CDK19: variants seen among roughly 807,000 people sequenced by gnomAD.
CDK19 encodes the protein cyclin-dependent kinase 19.
A neutral mutation model predicts 68.3 loss-of-function variants in CDK19; 20 were observed. The ratio of observed to expected loss-of-function variants is 0.29; its 90% CI spans 0.21 to 0.43. The LOEUF is 0.43. Ranked by LOEUF, CDK19 falls within the 20% of genes least tolerant of loss-of-function variation. The pLI is 1.00. For synonymous variants in CDK19, 221 were observed against 222.8 expected (o/e 0.99, Z 0.07); for missense variants, 339 against 623.5 (o/e 0.54, Z 4.86).
At chr6:110,814,570 C>A (rs1466572795) in intron 1 of CDK19, 6 of 457,218 alleles carry the variant, frequency 1.3e-5, no homozygotes, top group South Asian at 7.7e-5. Context: ...GGTTTCAAAC[C>A]GCCGCCCCCG....
intron 3 of CDK19, among the ~76,000 whole-genome samples, chr6:110,669,798 T>C (rs974609649): frequency 3.9e-5 from 6 of 152,314 alleles, no homozygotes; most frequent in East Asian, 1.9e-4. Flanking sequence ...CATACGTTGA[T>C]AAAAACATCC....
intron 2 of CDK19, among the ~76,000 whole-genome samples, chr6:110,724,914 T>C (rs1245776617): frequency 6.6e-6 from 1 of 152,110 alleles, no homozygotes; most frequent in Non-Finnish European, 1.5e-5. Context: ...TATACAGATA[T>C]GGGAAGGGTA....
chr6:110,691,485 G>A (rs983887958), intron 2 of CDK19, among the ~76,000 whole-genome samples: 5 of 150,672 alleles, frequency 3.3e-5, no homozygotes, highest in African/African-American at 1.2e-4. Context: ...AAAAAAAAAA[G>A]AAAGAAAACC....
At chr6:110,806,443 T>G (rs1292517859) in intron 1 of CDK19, among the ~76,000 whole-genome samples, 1 of 152,282 alleles carries the variant, frequency 6.6e-6, no homozygotes, top group African/African-American at 2.4e-5. Context: ...TACATCACCA[T>G]ATTAGTAAAC....
intron 2 of CDK19, among the ~76,000 whole-genome samples, chr6:110,745,143 T>C (rs1008614008): frequency 2.6e-5 from 4 of 152,182 alleles, no homozygotes; most frequent in African/African-American, 9.7e-5. Context: ...GGTAATATAA[T>C]AGTAAGCCTT....
At chr6:110,813,782 C>G (rs1435500486) in intron 1 of CDK19, 1 of 152,202 alleles carries the variant, frequency 6.6e-6, no homozygotes, top group East Asian at 1.9e-4. Context: ...CATATACCAA[C>G]CACATCAAAT....
rs745663007 is a variant in CDK19 at position 110,612,517 on chromosome 6, C to A, written c.*2018G>T. The A allele has an allele frequency of 2.0e-5, 3 of 152,380 alleles. No homozygotes were observed. The highest frequency in any genetic ancestry group is 4.4e-5 in the Non-Finnish European group (3 of 68,034). 9.4% of individuals were successfully genotyped at this position (152,380 alleles called of 1,614,324 possible). On this transcript the variant is annotated 3_prime_UTR_variant, in exon 13 of 13. Coordinates refer to ENST00000368911, the MANE Select transcript of CDK19 (RefSeq NM_015076.5). ...CAGACATCCCAGGAGGGCTTACTGT[C>A]ACAGATCACAAGCTCCTTAAGGACA...
At chr6:110,748,891 A>G (rs1048020200) in intron 1 of CDK19, among the ~76,000 whole-genome samples, 1 of 152,268 alleles carries the variant, frequency 6.6e-6, no homozygotes, top group Admixed American at 6.5e-5. Context: ...TTTATTTTAC[A>G]TGACAAAGCT....
At chr6:110,765,998 G>A (rs118163663) in intron 1 of CDK19, among the ~76,000 whole-genome samples, 4,198 of 152,174 alleles carry the variant, frequency 0.028, 83 homozygotes, top group South Asian at 0.083. Context: ...TACTGTTGGT[G>A]AGAATGTAAA....
At chr6:110,677,271 G>A (rs1180323933) in intron 2 of CDK19, among the ~76,000 whole-genome samples, 1 of 152,138 alleles carries the variant, frequency 6.6e-6, no homozygotes, top group Non-Finnish European at 1.5e-5. Context: ...CCATGCAGAA[G>A]TGTCACCATT....
At chr6:110,647,520 C>A (rs551408252) in intron 4 of CDK19, among the ~76,000 whole-genome samples, 1 of 152,030 alleles carries the variant, frequency 6.6e-6, no homozygotes, top group South Asian at 2.1e-4. Flanking sequence ...ACAGAAAAAT[C>A]TAAAAATCCC....
chr6:110,814,967 C>A, intron 1 of CDK19, 42 bp downstream of exon 1: 2 of 1,596,424 alleles, frequency 1.3e-6, no homozygotes, highest in Non-Finnish European at 1.7e-6. Context: ...GCGGGCAGGG[C>A]GAGGACCCGA....
At chr6:110,684,571 A>G (rs1323657308) in intron 2 of CDK19, among the ~76,000 whole-genome samples, 1 of 152,086 alleles carries the variant, frequency 6.6e-6, no homozygotes, top group Non-Finnish European at 1.5e-5. Flanking sequence ...GTCCTTCTCC[A>G]TTCCACAGTT....
chr6:110,815,322 C>G lies in CDK19; in HGVS notation c.-186G>C. On this transcript the variant is annotated 5_prime_UTR_variant, in exon 1 of 13. Transcript: ENST00000368911. The stretch of plus-strand genomic sequence containing the variant: ...GGGACTCCTCGGCGGCCACAGCAGC[C>G]ACCTCCTCCACCTCTTCCTCCTCCT... 1 of 497,602 alleles carries G rather than the reference C, an allele frequency of 2.0e-6. No homozygotes were observed. The highest frequency in any genetic ancestry group is 3.2e-6 in the Non-Finnish European group (1 of 310,044). The allele number at this position is 497,602 out of a possible 1,614,324, so 30.8% of individuals were successfully genotyped here. A position where few individuals can be genotyped will look rare whatever the true frequency, so the allele number is the denominator to read the frequency against.
intron 1 of CDK19, among the ~76,000 whole-genome samples, chr6:110,810,916 C>T (rs954381336): frequency 6.6e-6 from 1 of 151,932 alleles, no homozygotes; most frequent in African/African-American, 2.4e-5. Flanking sequence ...GCACTTTTGG[C>T]ATGCAAAAAG....
intron 4 of CDK19, among the ~76,000 whole-genome samples, chr6:110,653,733 G>T (rs1781126071): frequency 6.6e-6 from 1 of 152,128 alleles, no homozygotes; most frequent in Non-Finnish European, 1.5e-5. Flanking sequence ...TTACTCAGAA[G>T]CTACTCCTGA....
chr6:110,677,145 T>C (rs1176180542), intron 2 of CDK19, among the ~76,000 whole-genome samples: 1 of 152,196 alleles, frequency 6.6e-6, no homozygotes, highest in East Asian at 1.9e-4. Context: ...CACCTTTCAC[T>C]CTGCAGCCAG....
chr6:110,760,630 G>A (rs1779168844), intron 1 of CDK19, among the ~76,000 whole-genome samples: 1 of 152,140 alleles, frequency 6.6e-6, no homozygotes, highest in Non-Finnish European at 1.5e-5. Flanking sequence ...TCAGGAGGCT[G>A]AGGTGGGAGA....
chr6:110,618,571 G>C (rs1161670145), intron 12 of CDK19, among the ~76,000 whole-genome samples: 1 of 152,176 alleles, frequency 6.6e-6, no homozygotes, highest in East Asian at 1.9e-4. Context: ...CTGGACACAG[G>C]GTGGGGTTGA....
Sources: gnomAD v4.1 joint callset for allele counts (sites outside exome capture counted in the v4.1 genomes callset) on GRCh38, gnomAD v4.1.1 for gene constraint, MANE v1.5 for transcripts, NCBI Gene and HGNC (gene_info 2026-07-23, HGNC 2026-07-21) for gene names.